The following MAP3K4 variants were observed in gnomAD, a reference collection of about 807,000 sequenced individuals.
MAP3K4 encodes MAP three kinase 1.
MAP3K4 carries 67 observed loss-of-function variants against 185.6 expected under a neutral mutation model. The ratio of observed to expected loss-of-function variants is 0.36; its 90% confidence interval spans 0.30 to 0.44. The LOEUF (loss-of-function observed/expected upper bound fraction) is 0.44. MAP3K4 is among the 20% of genes least tolerant of loss of function. The pLI, the probability that MAP3K4 is intolerant of heterozygous loss-of-function variation, is 1.00. For missense variants in MAP3K4, 1,551 were observed against 1,995.1 expected (o/e 0.78, Z 4.24); for synonymous variants, 702 against 710.4 (o/e 0.99, Z 0.19).
intron 2 of MAP3K4, among the ~76,000 whole-genome samples, chr6:161,040,424 GAA>G (rs1783398574): frequency 2.8e-5 from 4 of 144,302 alleles, no homozygotes; most frequent in Non-Finnish European, 4.5e-5. Flanking sequence ...AGGAATCAAA[GAA>G]AGTTATCAAA....
chr6:161,003,922 AT>A (rs1355797938), intron 1 of MAP3K4, among the ~76,000 whole-genome samples: 2 of 91,150 alleles, frequency 2.2e-5, no homozygotes, highest in Non-Finnish European at 5.4e-5. Context: ...TAGATGGAAT[AT>A]CCACTCTTTC....
rs1231454848 is a variant in MAP3K4 at position 161,107,882 on chromosome 6, G to C, written c.4049-17G>C. 6 of 1,610,296 alleles carry C rather than the reference G, an allele frequency of 3.7e-6. No homozygotes were observed. Among genetic ancestry groups the C allele is most frequent in the Admixed American group, 3.3e-5 (2 of 59,980 alleles). On this transcript the variant is annotated splice_polypyrimidine_tract_variant and intron_variant, in intron 20 of 26. Coordinates refer to ENST00000392142, the MANE Select transcript of MAP3K4 (RefSeq NM_005922.4). This position sits in a 1 kb window ranked among gnomAD's most constrained non-coding sequence, Gnocchi z 6.2. ...CCTGCAGTGGCTGGAAGTGCAGCTTGTTTGCATTGTTCACAGGAGAAGGCC... is the reference window on the plus strand; with the variant it reads ...CCTGCAGTGGCTGGAAGTGCAGCTTCTTTGCATTGTTCACAGGAGAAGGCC...
rs1341121026 is a variant in MAP3K4, at chr6:161,110,227, C to CT, written c.4396+321dup. ...ACCAGACATTCGTGATCAAAGCAAC[C>CT]TTTTTTTTCTCTCGTGTCAGGATTC... On this transcript the variant is annotated intron_variant, in intron 23 of 26. Transcript: ENST00000392142. This position sits in a 1 kb window ranked among gnomAD's most constrained non-coding sequence, Gnocchi z 4.8. Among the ~76,000 whole-genome samples the CT allele has an allele frequency of 6.6e-6, 1 of 151,988 alleles. No individual in the cohort carries two copies. The highest frequency in any genetic ancestry group is 6.6e-5 in the Admixed American group (1 of 15,246).
intron 1 of MAP3K4, among the ~76,000 whole-genome samples, chr6:161,005,097 G>GT (rs2115058986): frequency 6.6e-6 from 1 of 150,772 alleles, no homozygotes; most frequent in African/African-American, 2.4e-5. Flanking sequence ...TATTCAAAAT[G>GT]AACACATTCA....
At chr6:160,998,494 G>A (rs1781110156) in intron 1 of MAP3K4, among the ~76,000 whole-genome samples, 1 of 152,174 alleles carries the variant, frequency 6.6e-6, no homozygotes, top group African/African-American at 2.4e-5. Context: ...ATTGATGAGA[G>A]TCCATGTGAT....
rs1251455434 is a variant in MAP3K4, at chr6:161,082,300, G to T, written c.2255+1262G>T. Among the ~76,000 whole-genome samples the T allele has an allele frequency of 6.6e-6, 1 of 151,854 alleles. No individual in the cohort carries two copies. The highest frequency in any genetic ancestry group is 2.4e-5 in the African/African-American group (1 of 41,338). On this transcript the variant is annotated intron_variant, in intron 6 of 26. Coordinates refer to ENST00000392142, the MANE Select transcript of MAP3K4 (RefSeq NM_005922.4). This position sits in a 1 kb window ranked among gnomAD's most constrained non-coding sequence, Gnocchi z 4.2. Reference sequence around the variant, plus strand: ...GATTCTGCTTTGCCTAATTCCTTCTGTTTGCATTTTCTGTTTCCAACCTGT... The same window carrying T: ...GATTCTGCTTTGCCTAATTCCTTCTTTTTGCATTTTCTGTTTCCAACCTGT...
chr6:161,020,123 T>C (rs1469298262), intron 1 of MAP3K4, among the ~76,000 whole-genome samples: 1 of 152,218 alleles, frequency 6.6e-6, no homozygotes. Context: ...ACTTATATCC[T>C]TTAGGTGTTG....
Position 161,096,953 on chromosome 6 carries a change from T to C in MAP3K4, c.3428-127T>C, listed in dbSNP as rs1199573576. The C allele has an allele frequency of 2.7e-5, 17 of 627,542 alleles. No homozygotes were observed. The highest frequency in any genetic ancestry group is 2.6e-4 in the Middle Eastern group (1 of 3,860). The allele number at this position is 627,542 out of a possible 1,614,324, so 38.9% of individuals were successfully genotyped here. A position where few individuals can be genotyped will look rare whatever the true frequency, so the allele number is the denominator to read the frequency against. Reference sequence around the variant, plus strand: ...TATATGTAATATTATTTTTTACTTATATAAATGGACTTACCTTGGTCATTG... The same window carrying C: ...TATATGTAATATTATTTTTTACTTACATAAATGGACTTACCTTGGTCATTG... On this transcript the variant is annotated intron_variant, in intron 15 of 26. Transcript: ENST00000392142. This position sits in a 1 kb window ranked among gnomAD's most constrained non-coding sequence, Gnocchi z 4.9.
At chr6:160,992,179 G>T (rs662541) in intron 1 of MAP3K4, 96 bp downstream of exon 1, 168,635 of 1,389,472 alleles carry the variant, frequency 0.12, 11,109 homozygotes, top group Non-Finnish European at 0.13. Context: ...CCCGCCAGGT[G>T]GGGAGGGAAG....
In MAP3K4 at chr6:161,112,577, A is replaced by C; in HGVS notation, c.4520-91A>C. ...CCATTACCTAATGCAGGAAGATAAT[A>C]TTGTACAATATTAATTTATTGCTTG... is the stretch of plus-strand genomic sequence containing the variant. On this transcript the variant is annotated intron_variant, in intron 24 of 26. Transcript: ENST00000392142. The surrounding 1 kb of genome is among the most constrained non-coding windows in gnomAD (Gnocchi z 5.1). 1.3e-6 allele frequency: 1 copy of C among 759,226 alleles called. No individual in the cohort carries two copies. The highest frequency in any genetic ancestry group is 1.9e-6 in the Non-Finnish European group (1 of 513,866). The allele number at this position is 759,226 out of a possible 1,614,324, so 47.0% of individuals were successfully genotyped here.
At chr6:161,039,798 A>G (rs900389813) in intron 2 of MAP3K4, among the ~76,000 whole-genome samples, 2 of 152,210 alleles carry the variant, frequency 1.3e-5, no homozygotes, top group African/African-American at 4.8e-5. Flanking sequence ...AGAACATCCA[A>G]CATATAACTG....
intron 19 of MAP3K4, among the ~76,000 whole-genome samples, chr6:161,105,711 T>C (rs896080958): frequency 6.6e-6 from 1 of 152,238 alleles, no homozygotes; most frequent in African/African-American, 2.4e-5. Context: ...TGGTGTGTTC[T>C]GTAAGAGTCT....
chr6:161,029,114 T>C (rs1484643392), intron 1 of MAP3K4, among the ~76,000 whole-genome samples: 3 of 152,186 alleles, frequency 2.0e-5, no homozygotes, highest in African/African-American at 7.2e-5. Context: ...CTAATACTTA[T>C]TACCTAATAG....
At chr6:161,046,332 G>T (rs1039969894) in intron 2 of MAP3K4, among the ~76,000 whole-genome samples, 1 of 151,994 alleles carries the variant, frequency 6.6e-6, no homozygotes, top group Admixed American at 6.6e-5. Context: ...ACAGTTAAAC[G>T]CATCAGAGCA....
chr6:161,026,426 T>C lies in MAP3K4; in HGVS notation c.153-7833T>C, dbSNP rs116852456. On this transcript the variant is annotated intron_variant, in intron 1 of 26. Coordinates refer to ENST00000392142, the MANE Select transcript of MAP3K4 (RefSeq NM_005922.4). ...CTGGGATTACAGGCATGAGCCACCG[T>C]GCCCGGTCAGAAGGAAGGCTTTTCT... Among the ~76,000 whole-genome samples the C allele has an allele frequency of 5.8e-3, 888 of 152,170 alleles. 13 individuals are homozygous for C. The highest frequency in any genetic ancestry group is 0.041 in the East Asian group (214 of 5,160).
chr6:161,091,866 A>G lies in MAP3K4; in HGVS notation c.3136-144A>G. 1.4e-6 allele frequency: 1 copy of G among 705,690 alleles called. No homozygotes were observed. The highest frequency in any genetic ancestry group is 2.3e-6 in the Non-Finnish European group (1 of 434,582). The allele number at this position is 705,690 out of a possible 1,614,324, so 43.7% of individuals were successfully genotyped here. ...ATTTTGAAACACTGTACTTTCCATAATTCTTCATACTATTCAAAATATAGA... is the reference window on the plus strand; with the variant it reads ...ATTTTGAAACACTGTACTTTCCATAGTTCTTCATACTATTCAAAATATAGA... On this transcript the variant is annotated intron_variant, in intron 12 of 26. Coordinates refer to ENST00000392142, the MANE Select transcript of MAP3K4 (RefSeq NM_005922.4). This position sits in a 1 kb window ranked among gnomAD's most constrained non-coding sequence, Gnocchi z 5.5.
In MAP3K4 at chr6:161,034,575, T is replaced by TC. The variant is rs887302874; in HGVS notation, c.343+126_343+127insC. ...TTTAATGCTCCTGTAAAGTTCAATT[T>TC]TTTTTTGAATTATTACCATTAGTAT... On this transcript the variant is annotated intron_variant, in intron 2 of 26. Transcript: ENST00000392142. The surrounding 1 kb of genome is among the most constrained non-coding windows in gnomAD (Gnocchi z 4.4). The TC allele has an allele frequency of 4.0e-6, 3 of 756,516 alleles. No homozygotes were observed. The highest frequency in any genetic ancestry group is 4.5e-5 in the South Asian group (2 of 44,136). 46.9% of individuals were successfully genotyped at this position (756,516 alleles called of 1,614,324 possible).
At chr6:161,066,698 G>T (rs537398136) in intron 3 of MAP3K4, among the ~76,000 whole-genome samples, 7 of 152,042 alleles carry the variant, frequency 4.6e-5, no homozygotes, top group Non-Finnish European at 1.0e-4. Flanking sequence ...CTGAATTTTT[G>T]AAACATCTGC....
chr6:161,085,264 T>C (rs1027729684), intron 7 of MAP3K4, among the ~76,000 whole-genome samples: 9 of 151,634 alleles, frequency 5.9e-5, no homozygotes, highest in Non-Finnish European at 1.2e-4. Flanking sequence ...AAAAAATCTG[T>C]GTAGTGGTCC....
Sources: gnomAD v4.1 joint callset for allele counts (sites outside exome capture counted in the v4.1 genomes callset) on GRCh38, gnomAD v4.1.1 for gene constraint, Gnocchi (gnomAD v3.1) non-coding constraint, MANE v1.5 for transcripts, NCBI Gene and HGNC (gene_info 2026-07-23, HGNC 2026-07-21) for gene names.